FRAS1: variants seen among roughly 807,000 people sequenced by gnomAD.
FRAS1 encodes the protein extracellular matrix organizing protein FRAS1.
A neutral mutation model predicts 435.2 loss-of-function variants in FRAS1; 290 were observed. That is an observed-to-expected ratio of 0.67 (90% confidence interval 0.61 to 0.73). The LOEUF is 0.73. FRAS1 is among the 30% of genes least tolerant of loss of function. The pLI, the probability that FRAS1 is intolerant of heterozygous loss-of-function variation, is 0.00. For synonymous variants in FRAS1, 1,800 were observed against 1,851.0 expected, an observed-to-expected ratio of 0.97 and a Z score of 0.71; for missense variants, 4,860 against 5,001.5, an observed-to-expected ratio of 0.97 and a Z score of 0.85.
intron 2 of FRAS1, among the ~76,000 whole-genome samples, chr4:78,174,024 C>T (rs940259191): frequency 1.3e-5 from 2 of 152,208 alleles, no homozygotes; most frequent in Non-Finnish European, 2.9e-5. Flanking sequence ...TTGATTGCCA[C>T]GTCCCTTGGT....
intron 14 of FRAS1, among the ~76,000 whole-genome samples, chr4:78,301,566 T>C (rs1728396168): frequency 6.6e-6 from 1 of 152,104 alleles, no homozygotes; most frequent in African/African-American, 2.4e-5. Context: ...TAGGACTGGG[T>C]CCTCAGAAGG....
chr4:78,103,636 G>T (rs1742242951), intron 2 of FRAS1, among the ~76,000 whole-genome samples: 1 of 152,142 alleles, frequency 6.6e-6, no homozygotes, highest in Non-Finnish European at 1.5e-5. Flanking sequence ...GATGACGAGG[G>T]AAGAGCCCTC....
intron 2 of FRAS1, among the ~76,000 whole-genome samples, chr4:78,146,933 C>G (rs977324618): frequency 1.3e-5 from 2 of 152,058 alleles, no homozygotes; most frequent in Non-Finnish European, 2.9e-5. Flanking sequence ...AACACCCTGA[C>G]AAGACTCTAA....
chr4:78,361,669 T>A (rs879366221), intron 20 of FRAS1, among the ~76,000 whole-genome samples: 1 of 152,214 alleles, frequency 6.6e-6, no homozygotes, highest in Non-Finnish European at 1.5e-5. Flanking sequence ...GAGAAAGACC[T>A]GTTTTTAACA....
chr4:78,456,546 T>A (rs1048205132), intron 47 of FRAS1, among the ~76,000 whole-genome samples: 1 of 152,200 alleles, frequency 6.6e-6, no homozygotes, highest in Non-Finnish European at 1.5e-5. Context: ...ACTTAACTAA[T>A]AGCAGTCATA....
intron 42 of FRAS1, chr4:78,446,130 A>T (rs1718819714): frequency 9.7e-7 from 1 of 1,028,670 alleles, no homozygotes. Context: ...TGCTGTATTT[A>T]TTCTCATTTG....
chr4:78,308,243 T>A, intron 15 of FRAS1, 34 bp downstream of exon 15: 1 of 1,594,728 alleles, frequency 6.3e-7, no homozygotes, highest in Non-Finnish European at 8.6e-7. Flanking sequence ...ACGTGTCCTT[T>A]CCTTTTTCTT....
rs555597387 is a variant in FRAS1, at chr4:78,147,497, C to A, written c.108+81481C>A. On this transcript the variant is annotated intron_variant, in intron 2 of 73. Transcript: ENST00000512123. ...ATCTATAAAATAGGTATAATTATAG[C>A]ACTTATCACATATTGGTTTAAATGT... Among the ~76,000 whole-genome samples, 4 of 152,224 alleles carry A rather than the reference C, an allele frequency of 2.6e-5. No homozygotes were observed. In the East Asian group the frequency reaches 7.7e-4, roughly 29 times the overall value.
At chr4:78,422,438 G>A (rs1326524492) in intron 34 of FRAS1, among the ~76,000 whole-genome samples, 2 of 152,172 alleles carry the variant, frequency 1.3e-5, no homozygotes, top group African/African-American at 4.8e-5. Flanking sequence ...TAATCAGACT[G>A]ACCTAGACTG....
intron 2 of FRAS1, among the ~76,000 whole-genome samples, chr4:78,188,459 C>G (rs58661619): frequency 0.34 from 51,814 of 152,050 alleles, 8,906 homozygotes; most frequent in Admixed American, 0.37. Context: ...GCTGGCTAGG[C>G]CACTGGACCT....
At chr4:78,417,444 G>A (rs1284357624) in intron 32 of FRAS1, among the ~76,000 whole-genome samples, 1 of 152,176 alleles carries the variant, frequency 6.6e-6, no homozygotes, top group Non-Finnish European at 1.5e-5. Flanking sequence ...GTACCCACAT[G>A]TGTACATGTT....
chr4:78,245,891 C>A (rs1725218229), intron 4 of FRAS1, among the ~76,000 whole-genome samples: 1 of 152,090 alleles, frequency 6.6e-6, no homozygotes, highest in Admixed American at 6.6e-5. Context: ...TTAGCTGCAT[C>A]CCTGGTCTTT....
chr4:78,496,740 G>C (rs1168580199), intron 59 of FRAS1, 65 bp from the exon 60 acceptor site: 1 of 1,451,664 alleles, frequency 6.9e-7, no homozygotes, highest in Admixed American at 2.2e-5. Flanking sequence ...AGTTTTCTAG[G>C]AAAACCAAGC....
At chr4:78,083,306 C>A (rs961635028) in intron 2 of FRAS1, among the ~76,000 whole-genome samples, 4 of 152,108 alleles carry the variant, frequency 2.6e-5, no homozygotes, top group African/African-American at 9.7e-5. Flanking sequence ...AGGAAGTCTG[C>A]TGCAGGACTT....
chr4:78,534,551 A>G lies in FRAS1; in HGVS notation c.11028A>G (p.Leu3676=), dbSNP rs367689804. The G allele has an allele frequency of 1.1e-4, 170 of 1,613,458 alleles. 1 individual carries two copies. Among genetic ancestry groups the G allele is most frequent in the African/African-American group, 8.0e-5 (6 of 75,028 alleles). The change falls in exon 71 of 74, where the codon CTA becomes CTG. Residue 3676 remains leucine (L), a synonymous_variant. Transcript: ENST00000512123. ...FQLCNNEKVF[L]MDPNTSDMSL... is the part of the protein sequence containing the mutation. ...TCTGCAATAATGAGAAGGTGTTCCT[A>G]ATGGATCCCAATACATCTGATATGT...
intron 2 of FRAS1, among the ~76,000 whole-genome samples, chr4:78,151,712 C>T (rs1296283814): frequency 6.6e-6 from 1 of 152,242 alleles, no homozygotes; most frequent in Middle Eastern, 3.4e-3. Flanking sequence ...ACAAGTTCCT[C>T]TAGGTGTAAT....
At chr4:78,246,466 C>T (rs1725254840) in intron 4 of FRAS1, among the ~76,000 whole-genome samples, 1 of 143,326 alleles carries the variant, frequency 7.0e-6, no homozygotes, top group South Asian at 2.2e-4. Context: ...TGCTGAAAGA[C>T]ATCCAAGCAG....
At chr4:78,412,631 T>G (rs1027303154) in intron 31 of FRAS1, among the ~76,000 whole-genome samples, 2 of 152,176 alleles carry the variant, frequency 1.3e-5, no homozygotes, top group Admixed American at 6.5e-5. Context: ...AAGTAAAAAA[T>G]TATAATATGT....
rs1326816823 is a variant in FRAS1 at position 78,406,572 on chromosome 4, A to G, written c.4130-1091A>G. ...GGGAAAGACCGGCCCCTATGATTCA[A>G]TTACCTTCCCCTGGGTCCCTTCTAC... On this transcript the variant is annotated intron_variant, in intron 30 of 73. Coordinates refer to ENST00000512123, the MANE Select transcript of FRAS1 (RefSeq NM_025074.7). Among the ~76,000 whole-genome samples, 6 of 152,218 alleles carry G rather than the reference A, an allele frequency of 3.9e-5. No individual in the cohort carries two copies. In the South Asian group the frequency reaches 6.2e-4, roughly 16 times the overall value.
Sources: allele counts gnomAD v4.1 joint callset (sites outside exome capture counted in the v4.1 genomes callset), GRCh38; gene constraint gnomAD v4.1.1; transcripts MANE v1.5; gene names NCBI Gene and HGNC (gene_info 2026-07-23, HGNC 2026-07-21).